DPYSL2: variants seen among roughly 807,000 people sequenced by gnomAD.
The protein encoded by DPYSL2 is dihydropyrimidinase like 2.
Under a neutral mutation model 69.9 loss-of-function variants are expected in DPYSL2, and 13 were observed. The ratio of observed to expected loss-of-function variants is 0.19; its 90% confidence interval spans 0.12 to 0.30. The LOEUF (loss-of-function observed/expected upper bound fraction) is 0.30. DPYSL2 is among the 10% of genes least tolerant of loss of function. The pLI, the probability that DPYSL2 is intolerant of heterozygous loss-of-function variation, is 1.00. For synonymous variants in DPYSL2, 326 were observed against 359.1 expected, an observed-to-expected ratio of 0.91 and a Z score of 1.04; for missense variants, 587 against 918.9, an observed-to-expected ratio of 0.64 and a Z score of 4.67.
chr8:26,582,385 T>G lies in DPYSL2; in HGVS notation c.443+328T>G, dbSNP rs968231729. 6.6e-6 allele frequency among the ~76,000 whole-genome samples: 1 copy of G among 152,202 alleles called. No individual in the cohort carries two copies. Among genetic ancestry groups the G allele is most frequent in the Non-Finnish European group, 1.5e-5 (1 of 68,040 alleles). Reference sequence around the variant, plus strand: ...ATATATTAAAGTTTTGCCTAGAATGTCATTGTTTGGGTTGGATTGCCCAAA... The same window carrying G: ...ATATATTAAAGTTTTGCCTAGAATGGCATTGTTTGGGTTGGATTGCCCAAA... On this transcript the variant is annotated intron_variant, in intron 2 of 13. Coordinates refer to ENST00000521913, the MANE Select transcript of DPYSL2 (RefSeq NM_001197293.3). The surrounding 1 kb of genome is among the most constrained non-coding windows in gnomAD (Gnocchi z 4.1).
At chr8:26,631,843 G>A (rs779415628) in intron 7 of DPYSL2, among the ~76,000 whole-genome samples, 4 of 152,286 alleles carry the variant, frequency 2.6e-5, no homozygotes, top group East Asian at 1.9e-4. Flanking sequence ...GGCACCTGCC[G>A]GCTGACGTCT....
chr8:26,643,221 G>C lies in DPYSL2; in HGVS notation c.1127-218G>C, dbSNP rs2129969849. 1 of 484,010 alleles carries C rather than the reference G, an allele frequency of 2.1e-6. No individual in the cohort carries two copies. Among genetic ancestry groups the C allele is most frequent in the African/African-American group, 2.0e-5 (1 of 49,746 alleles). The allele number at this position is 484,010 out of a possible 1,614,324, so 30.0% of individuals were successfully genotyped here. On this transcript the variant is annotated intron_variant, in intron 8 of 13. Coordinates refer to ENST00000521913, the MANE Select transcript of DPYSL2 (RefSeq NM_001197293.3). This position sits in a 1 kb window ranked among gnomAD's most constrained non-coding sequence, Gnocchi z 6.5. ...GGGAGGGTGTGTTGTTTGAAGAGCA[G>C]GGGCTGAAGGTGGAATCTTGGGGAG...
intron 1 of DPYSL2, among the ~76,000 whole-genome samples, chr8:26,515,650 A>G (rs1357829469): frequency 1.3e-5 from 2 of 152,230 alleles, no homozygotes; most frequent in Non-Finnish European, 2.9e-5. Flanking sequence ...TTCTTTCTTT[A>G]TCTGAGTGAT....
intron 10 of DPYSL2, among the ~76,000 whole-genome samples, chr8:26,645,758 C>T (rs1029123393): frequency 2.0e-5 from 3 of 152,136 alleles, no homozygotes; most frequent in African/African-American, 7.2e-5. Context: ...CCATATTGGC[C>T]AGGCTGGTCT....
chr8:26,518,398 G>T (rs1414559152), intron 1 of DPYSL2, among the ~76,000 whole-genome samples: 1 of 152,136 alleles, frequency 6.6e-6, no homozygotes, highest in Non-Finnish European at 1.5e-5. Flanking sequence ...ATTATTATTT[G>T]CTCTTGATTT....
At position 26,587,854 on chromosome 8, in the gene DPYSL2, G is replaced by T. The variant is rs112678568; in HGVS notation, c.628+3871G>T. Among the ~76,000 whole-genome samples the T allele has an allele frequency of 6.6e-6, 1 of 152,156 alleles. No homozygotes were observed. The highest frequency in any genetic ancestry group is 6.5e-5 in the Admixed American group (1 of 15,282). ...GAGTTCAGGATCTCAGAGTTTCTAG[G>T]AAGCAGCTGGGAACAGTTACCTCTA... is the stretch of plus-strand genomic sequence containing the variant. On this transcript the variant is annotated intron_variant, in intron 3 of 13. Transcript: ENST00000521913. The surrounding 1 kb of genome is among the most constrained non-coding windows in gnomAD (Gnocchi z 4.2).
chr8:26,602,355 A>G (rs1300918432), intron 3 of DPYSL2, among the ~76,000 whole-genome samples: 3 of 152,078 alleles, frequency 2.0e-5, no homozygotes, highest in Non-Finnish European at 4.4e-5. Context: ...ATCCCGCAAC[A>G]CTAAGTGTGG....
chr8:26,599,834 T>G (rs1206657642), intron 3 of DPYSL2, among the ~76,000 whole-genome samples: 1 of 152,212 alleles, frequency 6.6e-6, no homozygotes, highest in Non-Finnish European at 1.5e-5. Flanking sequence ...TTCACAGAAT[T>G]GTGGAAGCAT....
rs114550669 is a variant in DPYSL2 at position 26,621,396 on chromosome 8, G to A, written c.629-2747G>A. 8.9e-3 allele frequency among the ~76,000 whole-genome samples: 1,356 copies of A among 152,290 alleles called. 13 individuals are homozygous for A. The highest frequency in any genetic ancestry group is 0.031 in the African/African-American group (1,278 of 41,560). On this transcript the variant is annotated intron_variant, in intron 3 of 13. Coordinates refer to ENST00000521913, the MANE Select transcript of DPYSL2 (RefSeq NM_001197293.3). This position sits in a 1 kb window ranked among gnomAD's most constrained non-coding sequence, Gnocchi z 4.9. ...GAGGGTCTGGCAGAGCAGTGTTGAG[G>A]GGAGGGGTCTTTGCCGCAGCAAAAG...
At chr8:26,578,187 A>C (rs1295058900) in intron 1 of DPYSL2, 1 of 1,610,468 alleles carries the variant, frequency 6.2e-7, no homozygotes, top group East Asian at 2.2e-5. Flanking sequence ...AAAAAAACCC[A>C]AGTCCCCTTC....
intron 1 of DPYSL2, among the ~76,000 whole-genome samples, chr8:26,547,182 G>A (rs540888334): frequency 4.6e-5 from 7 of 151,852 alleles, no homozygotes; most frequent in Non-Finnish European, 2.9e-5. Flanking sequence ...GGGCAATGTG[G>A]CGAAATCCTG....
intron 1 of DPYSL2, chr8:26,578,621 T>C (rs1472869838): frequency 1.2e-5 from 14 of 1,212,570 alleles, no homozygotes; most frequent in Non-Finnish European, 1.4e-5. Context: ...GGATGCCAGA[T>C]TGAATATGCA....
chr8:26,608,994 A>G (rs73565443), intron 3 of DPYSL2, among the ~76,000 whole-genome samples: 2,533 of 152,306 alleles, frequency 0.017, 69 homozygotes, highest in African/African-American at 0.059. Context: ...TTTAGTTTCA[A>G]TCCAACAGCG....
In DPYSL2 at chr8:26,647,510, CACA is replaced by C. The variant is rs1277794022; in HGVS notation, c.1426-117_1426-115del. The C allele has an allele frequency of 2.8e-6, 3 of 1,089,274 alleles. No homozygotes were observed. The African/African-American group carries it at 4.8e-5, about 17-fold the overall frequency. 67.5% of individuals were successfully genotyped at this position (1,089,274 alleles called of 1,614,324 possible). A position where few individuals can be genotyped will look rare whatever the true frequency, so the allele number is the denominator to read the frequency against. ...TTGAGACGGTTTGTGTTTCACTTGG[CACA>C]ACGCTCTTGACATCCATCTAAGCTG... On this transcript the variant is annotated intron_variant, in intron 10 of 13. Transcript: ENST00000521913. This position sits in a 1 kb window ranked among gnomAD's most constrained non-coding sequence, Gnocchi z 5.1.
Position 26,644,341 on chromosome 8 carries a change from T to A in DPYSL2, c.1425+250T>A, listed in dbSNP as rs1803116301. 6.6e-6 allele frequency among the ~76,000 whole-genome samples: 1 copy of A among 152,222 alleles called. No individual in the cohort carries two copies. The highest frequency in any genetic ancestry group is 6.5e-5 in the Admixed American group (1 of 15,286). ...AAATTTTTTTCAGACAAGGTCTTGCTCTGTCACCAGGCTGGAGTGCAGTGG... is the reference window on the plus strand; with the variant it reads ...AAATTTTTTTCAGACAAGGTCTTGCACTGTCACCAGGCTGGAGTGCAGTGG... On this transcript the variant is annotated intron_variant, in intron 10 of 13. Transcript: ENST00000521913. This position sits in a 1 kb window ranked among gnomAD's most constrained non-coding sequence, Gnocchi z 4.5.
At chr8:26,584,819 A>T (rs1312215720) in intron 3 of DPYSL2, among the ~76,000 whole-genome samples, 2 of 151,832 alleles carry the variant, frequency 1.3e-5, no homozygotes, top group African/African-American at 4.8e-5. Flanking sequence ...GGGGTCTTCC[A>T]TGTTAGTCAG....
At chr8:26,528,671 G>T (rs541183548) in intron 1 of DPYSL2, among the ~76,000 whole-genome samples, 7 of 150,904 alleles carry the variant, frequency 4.6e-5, no homozygotes, top group Non-Finnish European at 1.0e-4. Context: ...GAAAAGAAAA[G>T]AAAAAGAAAA....
intron 3 of DPYSL2, among the ~76,000 whole-genome samples, chr8:26,612,589 C>T (rs148363598): frequency 7.9e-5 from 12 of 152,336 alleles, no homozygotes; most frequent in Admixed American, 2.0e-4. Flanking sequence ...TGGTGGCTCA[C>T]GCCTGTAATC....
intron 1 of DPYSL2, among the ~76,000 whole-genome samples, chr8:26,549,056 G>T (rs1800829892): frequency 6.6e-6 from 1 of 151,938 alleles, no homozygotes; most frequent in South Asian, 2.1e-4. Context: ...AGGGATGGTG[G>T]CAGGTGCCTG....
Sources: gnomAD v4.1 joint callset for allele counts (sites outside exome capture counted in the v4.1 genomes callset) on GRCh38, gnomAD v4.1.1 for gene constraint, Gnocchi (gnomAD v3.1) non-coding constraint, MANE v1.5 for transcripts, NCBI Gene and HGNC (gene_info 2026-07-23, HGNC 2026-07-21) for gene names.